PKHD1: variants seen among roughly 807,000 people sequenced by gnomAD.
PKHD1 encodes PKHD1 ciliary IPT domain containing fibrocystin/polyductin.
Under a neutral mutation model 412.0 loss-of-function variants are expected in PKHD1, and 291 were observed. The ratio of observed to expected loss-of-function variants is 0.71; its 90% confidence interval spans 0.64 to 0.78. PKHD1 has a LOEUF of 0.78. Ranked by LOEUF, PKHD1 falls within the 30% of genes least tolerant of loss-of-function variation. The pLI is 0.00. For missense variants in PKHD1, 4,825 were observed against 4,950.7 expected, an observed-to-expected ratio of 0.97 and a Z score of 0.76; for synonymous variants, 1,777 against 1,821.5, an observed-to-expected ratio of 0.98 and a Z score of 0.62.
rs778432081 is a variant in PKHD1, at chr6:52,064,931, G to A, written c.976+24C>T. On this transcript the variant is annotated intron_variant, in intron 13 of 66. Transcript: ENST00000371117. ...TGATTAAAGATATTCAGAGTTTATT[G>A]AACAGCCCTGGTGGCTTCCTTACCT... The A allele has an allele frequency of 3.1e-6, 4 of 1,275,658 alleles. No homozygotes were observed. The African/African-American group carries it at 5.3e-5, about 17-fold the overall frequency. The allele number at this position is 1,275,658 out of a possible 1,614,324, so 79.0% of individuals were successfully genotyped here. A position where few individuals can be genotyped will look rare whatever the true frequency, so the allele number is the denominator to read the frequency against.
intron 35 of PKHD1, among the ~76,000 whole-genome samples, chr6:51,997,844 C>T (rs190921474): frequency 2.0e-5 from 3 of 152,314 alleles, no homozygotes; most frequent in East Asian, 1.9e-4. Context: ...CACCTTTCCT[C>T]ACTAAGTCCC....
chr6:51,897,738 G>C (rs1206583948), intron 43 of PKHD1, among the ~76,000 whole-genome samples: 8 of 144,258 alleles, frequency 5.5e-5, no homozygotes, highest in Non-Finnish European at 1.1e-4. Flanking sequence ...AAAGAGTCAA[G>C]ACCCATCAGT....
At chr6:51,923,455 AT>A (rs1229480965) in intron 37 of PKHD1, among the ~76,000 whole-genome samples, 1 of 151,786 alleles carries the variant, frequency 6.6e-6, no homozygotes, top group Non-Finnish European at 1.5e-5. Flanking sequence ...AATGGACCAG[AT>A]TTGGTCCATG....
chr6:52,065,091 A>G (rs767661788), intron 12 of PKHD1, 41 bp from the exon 13 acceptor site: 2 of 771,888 alleles, frequency 2.6e-6, no homozygotes, highest in Admixed American at 3.8e-5. Flanking sequence ...GTGTGTGTGT[A>G]GGTATACATA....
chr6:51,725,949 C>T, intron 60 of PKHD1, among the ~76,000 whole-genome samples: 1 of 152,170 alleles, frequency 6.6e-6, no homozygotes, highest in East Asian at 1.9e-4. Context: ...GTTGATGAGC[C>T]AGCCTTAGCC....
At chr6:52,064,907 G>T in intron 13 of PKHD1, 48 bp downstream of exon 13, 3 of 854,878 alleles carry the variant, frequency 3.5e-6, no homozygotes, top group East Asian at 6.2e-5. Context: ...AGCCCATCAT[G>T]ATTAAAGATA....
At chr6:51,949,604 C>T (rs1790007164) in intron 36 of PKHD1, among the ~76,000 whole-genome samples, 1 of 152,148 alleles carries the variant, frequency 6.6e-6, no homozygotes, top group Non-Finnish European at 1.5e-5. Context: ...GGGAAGCCTT[C>T]GAGGTGGGCT....
rs865987158 is a variant in PKHD1, at chr6:51,871,819, A to G, written c.7351-1180T>C. On this transcript the variant is annotated intron_variant, in intron 46 of 66. Transcript: ENST00000371117. ...ATTGTTAAAAATAGTCTTACATTTG[A>G]GGATTACCAGAATTTTTGCAATCAC... Among the ~76,000 whole-genome samples the G allele has an allele frequency of 1.6e-4, 19 of 118,700 alleles. 4 individuals are homozygous for G. The highest frequency in any genetic ancestry group is 4.9e-4 in the African/African-American group (18 of 36,578). The allele number at this position is 118,700 out of a possible 152,430, so 77.9% of individuals were successfully genotyped here.
In PKHD1 at chr6:51,632,517, C is replaced by T. The variant is rs201984011; in HGVS notation, c.11665+48G>A. 3.9e-5 allele frequency: 59 copies of T among 1,508,960 alleles called. 1 individual carries two copies. In the East Asian group the frequency reaches 1.2e-3, roughly 32 times the overall value. 93.5% of individuals were successfully genotyped at this position (1,508,960 alleles called of 1,614,324 possible). ...ATCATTAATATGTTATGTATGATGA[C>T]TTTTTTTTCAGAAATTTTCATTCCA... On this transcript the variant is annotated intron_variant, in intron 65 of 66. Coordinates refer to ENST00000371117, the MANE Select transcript of PKHD1 (RefSeq NM_138694.4).
intron 10 of PKHD1, 121 bp downstream of exon 10, chr6:52,070,285 A>G (rs1810407246): frequency 1.4e-6 from 1 of 740,066 alleles, no homozygotes; most frequent in Non-Finnish European, 2.4e-6. Flanking sequence ...TCATTATACT[A>G]TTCTGTTTTT....
chr6:51,677,393 T>C (rs1257179264), intron 60 of PKHD1, among the ~76,000 whole-genome samples: 2 of 151,866 alleles, frequency 1.3e-5, no homozygotes, highest in Non-Finnish European at 2.9e-5. Flanking sequence ...CGCCCAAGAG[T>C]GAAGACAGTT....
chr6:51,932,002 G>C (rs1425880076), intron 37 of PKHD1, among the ~76,000 whole-genome samples: 1 of 151,902 alleles, frequency 6.6e-6, no homozygotes, highest in Non-Finnish European at 1.5e-5. Flanking sequence ...GGAGAGAGGA[G>C]AAAGAGGAAG....
At chr6:51,956,578 G>A (rs758651863) in intron 36 of PKHD1, among the ~76,000 whole-genome samples, 1 of 151,974 alleles carries the variant, frequency 6.6e-6, no homozygotes, top group Non-Finnish European at 1.5e-5. Context: ...TTCTAGTAGA[G>A]GAGACAGACT....
intron 48 of PKHD1, among the ~76,000 whole-genome samples, chr6:51,864,613 A>G (rs1034604980): frequency 1.1e-4 from 17 of 152,112 alleles, no homozygotes; most frequent in Admixed American, 1.1e-3. Context: ...CCAGAGAGAA[A>G]CAGGTCTACA....
rs115306215 is a variant in PKHD1, at chr6:51,639,379, T to C, written c.11399-423A>G. Among the ~76,000 whole-genome samples the C allele has an allele frequency of 6.1e-3, 924 of 152,188 alleles. 13 individuals are homozygous for C. The highest frequency in any genetic ancestry group is 0.02 in the African/African-American group (851 of 41,536). On this transcript the variant is annotated intron_variant, in intron 63 of 66. Transcript: ENST00000371117. Reference sequence around the variant, plus strand: ...CTATATTATTATTAAATGTATAATATATAAAGAAAGAAATTCTATTATCTT... The same window carrying C: ...CTATATTATTATTAAATGTATAATACATAAAGAAAGAAATTCTATTATCTT...
At chr6:51,759,810 C>T (rs888095958) in intron 55 of PKHD1, among the ~76,000 whole-genome samples, 5 of 152,192 alleles carry the variant, frequency 3.3e-5, no homozygotes, top group African/African-American at 1.2e-4. Flanking sequence ...GAAAATAAAA[C>T]TGAGGCTCAG....
chr6:52,071,925 G>A lies in PKHD1; in HGVS notation c.602+190C>T, dbSNP rs59020648. Among the ~76,000 whole-genome samples, 347 of 152,196 alleles carry A rather than the reference G, an allele frequency of 2.3e-3. 9 individuals are homozygous for A. In the East Asian group the frequency reaches 0.055, roughly 24 times the overall value. ...AAGGTTTTGGCATCCACTTCAATACGCACTTTGAATCAATCCCTGTGTCTT... is the reference window on the plus strand; with the variant it reads ...AAGGTTTTGGCATCCACTTCAATACACACTTTGAATCAATCCCTGTGTCTT... On this transcript the variant is annotated intron_variant, in intron 8 of 66. Transcript: ENST00000371117.
At chr6:51,892,961 G>A (rs1172586588) in intron 43 of PKHD1, among the ~76,000 whole-genome samples, 4 of 152,198 alleles carry the variant, frequency 2.6e-5, no homozygotes, top group Non-Finnish European at 4.4e-5. Context: ...TCTCAGTCAC[G>A]ATTACACAAC....
chr6:51,682,618 G>A (rs1487198047), intron 60 of PKHD1, among the ~76,000 whole-genome samples: 1 of 152,004 alleles, frequency 6.6e-6, no homozygotes, highest in East Asian at 1.9e-4. Context: ...CTCCTTTGGA[G>A]GAAAAAGAAA....
Sources: gnomAD v4.1 joint callset for allele counts (sites outside exome capture counted in the v4.1 genomes callset) on GRCh38, gnomAD v4.1.1 for gene constraint, MANE v1.5 for transcripts, NCBI Gene and HGNC (gene_info 2026-07-23, HGNC 2026-07-21) for gene names.